COL19A1: variants seen among roughly 807,000 people sequenced by gnomAD.
COL19A1 encodes the protein collagen type XIX alpha 1 chain.
Under a neutral mutation model 190.2 loss-of-function variants are expected in COL19A1, and 159 were observed. The ratio of observed to expected loss-of-function variants is 0.84; its 90% confidence interval spans 0.73 to 0.95. The LOEUF is 0.95. Ranked by LOEUF, COL19A1 falls within the 40% of genes least tolerant of loss-of-function variation. The probability of loss-of-function intolerance (pLI) is 0.00; values close to 1 mark genes in which losing one functional copy is unlikely to be tolerated. For missense variants in COL19A1, 1,418 were observed against 1,431.9 expected, an observed-to-expected ratio of 0.99 and a Z score of 0.16; for synonymous variants, 509 against 458.9, an observed-to-expected ratio of 1.11 and a Z score of -1.39.
chr6:70,059,934 A>T, intron 14 of COL19A1: 1 of 339,300 alleles, frequency 2.9e-6, no homozygotes, highest in Non-Finnish European at 5.7e-6. Flanking sequence ...GAAGAAAAAA[A>T]ATCCACAGGC....
chr6:69,961,242 G>A (rs1455681852), intron 10 of COL19A1, among the ~76,000 whole-genome samples: 1 of 152,126 alleles, frequency 6.6e-6, no homozygotes, highest in East Asian at 1.9e-4. Flanking sequence ...AAAAAGATAT[G>A]CACTTATTTA....
At chr6:70,053,125 C>A (rs1780299625) in intron 14 of COL19A1, among the ~76,000 whole-genome samples, 1 of 152,116 alleles carries the variant, frequency 6.6e-6, no homozygotes, top group South Asian at 2.1e-4. Flanking sequence ...TGCTTCTGTG[C>A]AAACATGGAA....
rs531876729 is a variant in COL19A1 at position 69,914,924 on chromosome 6, T to A, written c.267-12985T>A. 6.3e-4 allele frequency among the ~76,000 whole-genome samples: 96 copies of A among 152,322 alleles called. 1 individual carries two copies. Among genetic ancestry groups the A allele is most frequent in the African/African-American group, 2.2e-3 (93 of 41,580 alleles). On this transcript the variant is annotated intron_variant, in intron 4 of 50. Transcript: ENST00000620364. ...CACTGAAATTATAAAAGTTTCTTCA[T>A]CTTTTTTTTATATTTTAGTTCTTGT...
At chr6:70,119,163 T>A (rs1784743231) in intron 16 of COL19A1, among the ~76,000 whole-genome samples, 1 of 152,180 alleles carries the variant, frequency 6.6e-6, no homozygotes, top group African/African-American at 2.4e-5. Context: ...ACACTTCTTG[T>A]ATCTCAGACC....
At chr6:70,086,211 T>C (rs1202967919) in intron 15 of COL19A1, among the ~76,000 whole-genome samples, 5 of 152,152 alleles carry the variant, frequency 3.3e-5, no homozygotes, top group African/African-American at 1.2e-4. Context: ...ATGTTACCTA[T>C]CCACAACAGA....
rs144862286 is a variant in COL19A1 at position 70,170,002 on chromosome 6, G to T, written c.2568+1321G>T. 6.1e-3 allele frequency among the ~76,000 whole-genome samples: 925 copies of T among 152,212 alleles called. 10 individuals are homozygous for T. The highest frequency in any genetic ancestry group is 7.6e-3 in the Non-Finnish European group (518 of 67,968). ...AAAAGGGGCTGGCAACAAAAATGTA[G>T]ACCTATTTGAGTAGAATTTGAAGAG... On this transcript the variant is annotated intron_variant, in intron 40 of 50. Coordinates refer to ENST00000620364, the MANE Select transcript of COL19A1 (RefSeq NM_001858.6).
intron 49 of COL19A1, among the ~76,000 whole-genome samples, chr6:70,203,026 T>G (rs1355961687): frequency 6.6e-6 from 1 of 152,196 alleles, no homozygotes; most frequent in Admixed American, 6.5e-5. Flanking sequence ...GGGTATGAGC[T>G]AAAATGTGCC....
intron 15 of COL19A1, among the ~76,000 whole-genome samples, chr6:70,093,064 A>G (rs2208608): frequency 0.34 from 51,973 of 151,972 alleles, 9,632 homozygotes; most frequent in South Asian, 0.52. Flanking sequence ...TAAACCTACA[A>G]ACATAACAGT....
intron 11 of COL19A1, among the ~76,000 whole-genome samples, chr6:69,984,270 A>G (rs3793035): frequency 0.21 from 31,701 of 152,020 alleles, 5,582 homozygotes; most frequent in African/African-American, 0.47. Flanking sequence ...CTGAATTAAC[A>G]TATTTCCACT....
chr6:69,998,654 A>ATT (rs1562073718), intron 11 of COL19A1, among the ~76,000 whole-genome samples: 1 of 151,688 alleles, frequency 6.6e-6, no homozygotes. Context: ...CAAAAAAAAA[A>ATT]AAAAAAAAAG....
At chr6:70,101,583 G>A (rs1783632066) in intron 15 of COL19A1, among the ~76,000 whole-genome samples, 1 of 152,122 alleles carries the variant, frequency 6.6e-6, no homozygotes, top group African/African-American at 2.4e-5. Context: ...GCTTCATTCA[G>A]TATATGTAAT....
At chr6:70,168,118 T>C (rs372658461) in intron 38 of COL19A1, 43 bp downstream of exon 38, 11 of 1,600,798 alleles carry the variant, frequency 6.9e-6, no homozygotes, top group Non-Finnish European at 8.5e-6. Flanking sequence ...TATAGACTGC[T>C]GTAAATTCGT....
At chr6:70,047,879 T>C (rs1466633023) in intron 14 of COL19A1, among the ~76,000 whole-genome samples, 1 of 152,134 alleles carries the variant, frequency 6.6e-6, no homozygotes, top group Non-Finnish European at 1.5e-5. Flanking sequence ...TTGCATGTCA[T>C]GTCAGAGGAG....
intron 48 of COL19A1, among the ~76,000 whole-genome samples, chr6:70,192,061 TTTGG>T (rs1165689495): frequency 6.7e-6 from 1 of 149,192 alleles, no homozygotes; most frequent in Non-Finnish European, 1.5e-5. Flanking sequence ...GTTGTTGTTG[TTTGG>T]TTGGTTGGTT....
At chr6:70,060,386 C>T (rs545839464) in intron 14 of COL19A1, among the ~76,000 whole-genome samples, 1 of 152,044 alleles carries the variant, frequency 6.6e-6, no homozygotes, top group South Asian at 2.1e-4. Flanking sequence ...GCAGGGGTCC[C>T]CAACCCCCGG....
At chr6:70,020,420 T>C (rs1189255182) in intron 11 of COL19A1, among the ~76,000 whole-genome samples, 1 of 152,094 alleles carries the variant, frequency 6.6e-6, no homozygotes, top group East Asian at 1.9e-4. Context: ...TTTATCTAAG[T>C]TCACCTATAT....
chr6:70,066,011 C>G (rs1781170121), intron 14 of COL19A1, among the ~76,000 whole-genome samples: 1 of 152,164 alleles, frequency 6.6e-6, no homozygotes, highest in Non-Finnish European at 1.5e-5. Flanking sequence ...GGACTGTAAA[C>G]TAGTTCAACC....
chr6:70,138,730 T>C (rs941078110), intron 19 of COL19A1, among the ~76,000 whole-genome samples: 4 of 152,134 alleles, frequency 2.6e-5, no homozygotes, highest in Admixed American at 6.6e-5. Flanking sequence ...TTAGAATCAG[T>C]CTGTGGCCTA....
intron 2 of COL19A1, 71 bp downstream of exon 2, chr6:69,879,729 G>T (rs543818309): frequency 2.5e-4 from 347 of 1,382,048 alleles, no homozygotes; most frequent in Admixed American, 1.4e-3. Context: ...AACAAATCTT[G>T]TTAAGATTGA....
Sources: gnomAD v4.1 joint callset for allele counts (sites outside exome capture counted in the v4.1 genomes callset) on GRCh38, gnomAD v4.1.1 for gene constraint, MANE v1.5 for transcripts, NCBI Gene and HGNC (gene_info 2026-07-23, HGNC 2026-07-21) for gene names.